Variants in DYTN observed in about 807,000 individuals in gnomAD.
DYTN encodes dystrotelin.
DYTN carries 75 observed loss-of-function variants against 69.6 expected under a neutral mutation model. That is an observed-to-expected ratio of 1.08 (90% CI 0.89 to 1.31). The LOEUF (loss-of-function observed/expected upper bound fraction) is 1.31. Ranked by LOEUF, DYTN falls within the 50% of genes most tolerant of loss-of-function variation. The pLI, the probability that DYTN is intolerant of heterozygous loss-of-function variation, is 0.00. For missense variants in DYTN, 726 were observed against 688.4 expected (o/e 1.05, Z -0.61); for synonymous variants, 252 against 249.1 (o/e 1.01, Z -0.11).
chr2:206,685,171 T>TTTAA (rs1699792064), intron 9 of DYTN, among the ~76,000 whole-genome samples: 2 of 150,374 alleles, frequency 1.3e-5, no homozygotes, highest in Non-Finnish European at 2.9e-5. Flanking sequence ...TATTTATTTA[T>TTTAA]TTATTTATTA....
intron 9 of DYTN, 59 bp downstream of exon 9, chr2:206,693,116 A>T: frequency 6.5e-7 from 1 of 1,530,756 alleles, no homozygotes; most frequent in Non-Finnish European, 8.8e-7. Context: ...CGGTTACCAT[A>T]ACACCCAGGG....
intron 10 of DYTN, among the ~76,000 whole-genome samples, 170 bp from the exon 11 acceptor site, chr2:206,663,565 C>G (rs1699537462): frequency 6.6e-6 from 1 of 152,236 alleles, no homozygotes; most frequent in South Asian, 2.1e-4. Context: ...AATTCTATGT[C>G]AACCTAAAAC....
chr2:206,664,181 T>G (rs548816378), intron 10 of DYTN, among the ~76,000 whole-genome samples: 1 of 152,252 alleles, frequency 6.6e-6, no homozygotes, highest in Admixed American at 6.5e-5. Context: ...TGTGATGAAG[T>G]GGGAAGTGTG....
intron 11 of DYTN, among the ~76,000 whole-genome samples, chr2:206,659,130 C>A (rs1574585584): frequency 6.8e-6 from 1 of 146,792 alleles, no homozygotes; most frequent in Non-Finnish European, 1.5e-5. Context: ...AACTTCTACA[C>A]AGTTTTCTCT....
intron 11 of DYTN, among the ~76,000 whole-genome samples, chr2:206,656,532 T>C (rs935860437): frequency 7.9e-5 from 12 of 152,192 alleles, no homozygotes; most frequent in African/African-American, 2.9e-4. Flanking sequence ...AGTTGTTTTC[T>C]GTCTGTCTTT....
chr2:206,675,113 A>ATGTGTGTG (rs879629081), intron 9 of DYTN, among the ~76,000 whole-genome samples: 316 of 122,642 alleles, frequency 2.6e-3, no homozygotes, highest in African/African-American at 4.7e-3. Context: ...ACATATATAT[A>ATGTGTGTG]TATGTGTGTG....
intron 11 of DYTN, among the ~76,000 whole-genome samples, chr2:206,659,137 C>T (rs1207817181): frequency 2.2e-5 from 3 of 135,328 alleles, no homozygotes; most frequent in Non-Finnish European, 4.8e-5. Flanking sequence ...ACACAGTTTT[C>T]TCTTTTCCGT....
Position 206,700,198 on chromosome 2 carries a change from C to G in DYTN, c.502G>C (p.Glu168Gln). The G allele has an allele frequency of 6.2e-7, 1 of 1,613,926 alleles. No homozygotes were observed. ...TCCACAGGGCACAGAGCACGACTCT[C>G]TCCCACGAAAGTTGGGATCTGCAAG... ...DLQQIPTFVGESRALCPVESA... is the reference protein window; with the variant it reads ...DLQQIPTFVGQSRALCPVESA... Residue 168 changes from glutamate to glutamine, a missense_variant, in exon 6 of 12, where the codon GAG (glutamate) becomes CAG (glutamine). Glu to Gln is a conservative substitution (Grantham distance 29). Coordinates refer to ENST00000452335, the MANE Select transcript of DYTN (RefSeq NM_001093730.1).
intron 9 of DYTN, among the ~76,000 whole-genome samples, chr2:206,684,770 T>G (rs942845362): frequency 1.3e-5 from 2 of 152,150 alleles, no homozygotes; most frequent in East Asian, 3.9e-4. Flanking sequence ...CTTCTTGAGT[T>G]TTTTTTCTTA....
intron 10 of DYTN, among the ~76,000 whole-genome samples, chr2:206,664,714 T>C (rs575980921): frequency 9.8e-4 from 150 of 152,304 alleles, no homozygotes; most frequent in Middle Eastern, 3.4e-3. Context: ...ACTTAGAATT[T>C]TGGAAAACTT....
At chr2:206,695,564 C>T (rs974767130) in intron 7 of DYTN, among the ~76,000 whole-genome samples, 2 of 152,124 alleles carry the variant, frequency 1.3e-5, no homozygotes, top group Non-Finnish European at 2.9e-5. Flanking sequence ...CGGAGAGAGT[C>T]TTGAGACACT....
In DYTN at chr2:206,665,830, C is replaced by A. The variant is rs1232590838; in HGVS notation, c.1140+40G>T. 1.9e-6 allele frequency: 3 copies of A among 1,602,136 alleles called. 1 individual carries two copies. In the South Asian group the frequency reaches 3.4e-5, roughly 18 times the overall value. The stretch of plus-strand genomic sequence containing the variant: ...GGCTGAAGGACTCAAGGTTAGACTT[C>A]CAGGCAGTCCAGATGGCCAGTGTCC... On this transcript the variant is annotated intron_variant, in intron 10 of 11. Coordinates refer to ENST00000452335, the MANE Select transcript of DYTN (RefSeq NM_001093730.1).
At chr2:206,688,352 C>T (rs1447355551) in intron 9 of DYTN, among the ~76,000 whole-genome samples, 1 of 152,154 alleles carries the variant, frequency 6.6e-6, no homozygotes, top group East Asian at 1.9e-4. Flanking sequence ...CGTAGCCTTG[C>T]TGTGCTTGGG....
intron 1 of DYTN, among the ~76,000 whole-genome samples, chr2:206,714,675 C>G (rs1464826214): frequency 8.2e-6 from 1 of 121,422 alleles, no homozygotes; most frequent in Non-Finnish European, 1.6e-5. Context: ...TCCTTCCTAG[C>G]AGACCCCTGA....
At chr2:206,657,283 T>A (rs1048902651) in intron 11 of DYTN, among the ~76,000 whole-genome samples, 1 of 152,092 alleles carries the variant, frequency 6.6e-6, no homozygotes, top group South Asian at 2.1e-4. Context: ...CACACATCTT[T>A]ACAAAAATTT....
Position 206,698,581 on chromosome 2 carries a change from G to C in DYTN, c.719+1146C>G, listed in dbSNP as rs193174362. 3.3e-3 allele frequency among the ~76,000 whole-genome samples: 509 copies of C among 152,174 alleles called. 5 individuals are homozygous for C. Among genetic ancestry groups the C allele is most frequent in the Non-Finnish European group, 3.8e-3 (261 of 67,992 alleles). On this transcript the variant is annotated intron_variant, in intron 7 of 11. Transcript: ENST00000452335. ...CCCTGTTCACTCATCGTGAATAATG[G>C]CTTCTTCCATGCCTGGCCTACACCT...
At chr2:206,666,128 G>A in intron 9 of DYTN, 99 bp from the exon 10 acceptor site, 1 of 1,450,768 alleles carries the variant, frequency 6.9e-7, no homozygotes, top group Non-Finnish European at 9.2e-7. Context: ...TGTGGGAAAA[G>A]ATGCTGGAAA....
chr2:206,668,289 C>G (rs1699595482), intron 9 of DYTN, among the ~76,000 whole-genome samples: 1 of 152,200 alleles, frequency 6.6e-6, no homozygotes, highest in Non-Finnish European at 1.5e-5. Flanking sequence ...GTCTGGACAA[C>G]TAGAAGACAT....
At chr2:206,661,816 G>A (rs1375246496) in intron 11 of DYTN, among the ~76,000 whole-genome samples, 2 of 152,066 alleles carry the variant, frequency 1.3e-5, no homozygotes, top group Non-Finnish European at 2.9e-5. Context: ...CTGTGCAGGG[G>A]GCCAGCACCC....
Sources: allele counts gnomAD v4.1 joint callset (sites outside exome capture counted in the v4.1 genomes callset), GRCh38; gene constraint gnomAD v4.1.1; transcripts MANE v1.5; gene names NCBI Gene and HGNC (gene_info 2026-07-23, HGNC 2026-07-21).